CD81: variants seen among roughly 807,000 people sequenced by gnomAD.
The protein encoded by CD81 is CD81 molecule.
Under a neutral mutation model 30.1 loss-of-function variants are expected in CD81, and 10 were observed. That is an observed-to-expected ratio of 0.33 (90% CI 0.21 to 0.56). CD81 has a LOEUF of 0.56. Among genes scored for constraint, CD81 ranks in the 20% least tolerant of loss-of-function variants. The pLI, the probability that CD81 is intolerant of heterozygous loss-of-function variation, is 0.89. For missense variants in CD81, 263 were observed against 308.7 expected (o/e 0.85, Z 1.11); for synonymous variants, 147 against 126.4 (o/e 1.16, Z -1.10).
intron 1 of CD81, among the ~76,000 whole-genome samples, chr11:2,380,978 G>A (rs1268370363): frequency 1.3e-5 from 2 of 152,220 alleles, no homozygotes; most frequent in African/African-American, 4.8e-5. Flanking sequence ...GGTATTTCTC[G>A]CTTCCAGACA....
At chr11:2,396,068 G>A (rs1456213805) in intron 6 of CD81, 98 bp downstream of exon 6, 3 of 770,824 alleles carry the variant, frequency 3.9e-6, no homozygotes, top group East Asian at 2.7e-5. Flanking sequence ...CCCACAGGGA[G>A]CGACCACACT....
At chr11:2,395,181 G>C in intron 4 of CD81, 135 bp downstream of exon 4, 1 of 794,312 alleles carries the variant, frequency 1.3e-6, no homozygotes, top group Non-Finnish European at 2.1e-6. Context: ...TTGCCAGGAG[G>C]ATCTCCAGGG....
At chr11:2,395,840 G>A (rs1490053683) in intron 5 of CD81, 29 bp from the exon 6 acceptor site, 1 of 1,525,894 alleles carries the variant, frequency 6.6e-7, no homozygotes, top group East Asian at 2.2e-5. Flanking sequence ...GCACATCCAG[G>A]GCTGACCTTG....
rs12797193 is a variant in CD81, at chr11:2,378,681, A to T, written c.66+1066A>T. ...CCATGGCCGCGGCCTCCCCGTGGCC[A>T]CGCCCCTGGGCATAGACTGCAAGCC... On this transcript the variant is annotated intron_variant, in intron 1 of 7. Transcript: ENST00000263645. The surrounding 1 kb of genome is among the most constrained non-coding windows in gnomAD (Gnocchi z 4.9). Among the ~76,000 whole-genome samples, 2 of 152,072 alleles carry T rather than the reference A, an allele frequency of 1.3e-5. No homozygotes were observed. The highest frequency in any genetic ancestry group is 4.8e-5 in the African/African-American group (2 of 41,404).
chr11:2,390,639 C>T (rs896152653), intron 2 of CD81, 113 bp downstream of exon 2: 3 of 799,664 alleles, frequency 3.8e-6, no homozygotes, highest in East Asian at 2.6e-5. Context: ...ATGGCGTGTC[C>T]GGGCAGGGAG....
chr11:2,386,590 T>A (rs1372527930), intron 1 of CD81: 1 of 717,310 alleles, frequency 1.4e-6, no homozygotes, highest in Admixed American at 2.0e-5. Flanking sequence ...GTCGGAGAGC[T>A]TGGCATGGCC....
In CD81 at chr11:2,395,409, C is replaced by T; in HGVS notation, c.355-7C>T. ...CCCCTGTGCATGTGACCGCACCCCT[C>T]CCCCAGATCGCCAAGGATGTGAAGC... is the stretch of plus-strand genomic sequence containing the variant. On this transcript the variant is annotated splice_polypyrimidine_tract_variant and splice_region_variant and intron_variant, in intron 4 of 7. Coordinates refer to ENST00000263645, the MANE Select transcript of CD81 (RefSeq NM_004356.4). The T allele has an allele frequency of 1.2e-6, 2 of 1,608,614 alleles. No homozygotes were observed. Among genetic ancestry groups the T allele is most frequent in the Non-Finnish European group, 1.7e-6 (2 of 1,176,230 alleles).
At chr11:2,377,220 C>CG (rs1338610955), upstream of CD81, 5 of 151,556 alleles carry the variant, frequency 3.3e-5, no homozygotes, top group African/African-American at 1.2e-4. This position sits in a 1 kb window ranked among gnomAD's most constrained non-coding sequence, Gnocchi z 7.7. Context: ...GAGGCGGGGC[C>CG]GGGGGCGGGG....
intron 1 of CD81, among the ~76,000 whole-genome samples, chr11:2,381,640 C>T (rs942069221): frequency 6.6e-6 from 1 of 152,246 alleles, no homozygotes; most frequent in East Asian, 1.9e-4. Flanking sequence ...CTTGTACCCA[C>T]CGTGGTTTTA....
rs138086545 is a variant in CD81 at position 2,395,016 on chromosome 11, C to T, written c.324C>T (p.Ala108=). 6.2e-6 allele frequency: 10 copies of T among 1,611,962 alleles called. No homozygotes were observed. The highest frequency in any genetic ancestry group is 1.7e-5 in the Admixed American group (1 of 59,976). ...TCCTGTTTGCCTGTGAGGTGGCCGC[C>T]GGCATCTGGGGCTTTGTCAACAAGG... ...LVILFACEVA[A]GIWGFVNKDQ... is the part of the protein sequence containing the mutation. Residue 108 remains alanine, a synonymous_variant, in exon 4 of 8, where the codon GCC becomes GCT. Coordinates refer to ENST00000263645, the MANE Select transcript of CD81 (RefSeq NM_004356.4).
chr11:2,388,211 C>T (rs1401042126), intron 1 of CD81, among the ~76,000 whole-genome samples: 1 of 152,206 alleles, frequency 6.6e-6, no homozygotes, highest in Admixed American at 6.5e-5. Context: ...CACGCCCAGC[C>T]CCCTCTGGCC....
In CD81 at chr11:2,377,625, G is replaced by T; in HGVS notation, c.66+10G>T. On this transcript the variant is annotated intron_variant, in intron 1 of 7. Transcript: ENST00000263645. This position sits in a 1 kb window ranked among gnomAD's most constrained non-coding sequence, Gnocchi z 7.7. Reference sequence around the variant, plus strand: ...CAATTTCGTCTTCTGGGTAAGGGCTGCGCCGGGGGCCGGGGCGGGAGGGGG... The same window carrying T: ...CAATTTCGTCTTCTGGGTAAGGGCTTCGCCGGGGGCCGGGGCGGGAGGGGG... 1 of 1,533,858 alleles carries T rather than the reference G, an allele frequency of 6.5e-7. No homozygotes were observed. The highest frequency in any genetic ancestry group is 8.8e-7 in the Non-Finnish European group (1 of 1,133,942).
intron 1 of CD81, chr11:2,382,629 C>G (rs1849723889): frequency 6.6e-6 from 1 of 152,276 alleles, no homozygotes; most frequent in Non-Finnish European, 1.5e-5. Flanking sequence ...GCTCCAGGAT[C>G]AGGGCAGGTG....
intron 4 of CD81, 64 bp from the exon 5 acceptor site, chr11:2,395,352 G>GA: frequency 1.5e-6 from 2 of 1,328,940 alleles, no homozygotes; most frequent in Non-Finnish European, 2.1e-6. Flanking sequence ...CGCCTGGGGC[G>GA]GGGCGGGGTG....
chr11:2,395,633 T>A, intron 5 of CD81, 113 bp downstream of exon 5: 4 of 887,798 alleles, frequency 4.5e-6, no homozygotes, highest in Non-Finnish European at 7.3e-6. Flanking sequence ...GAGGTGCCCT[T>A]GGGACCTCCA....
At chr11:2,395,836 CCAGGGCTGA>C (rs1849989611) in intron 5 of CD81, 24 bp from the exon 6 acceptor site, 1 of 1,475,282 alleles carries the variant, frequency 6.8e-7, no homozygotes, top group Non-Finnish European at 9.5e-7. Flanking sequence ...CTGGGCACAT[CCAGGGCTGA>C]CCTTGCACCC....
chr11:2,385,693 C>T lies in CD81; in HGVS notation c.67-4719C>T, dbSNP rs1333308332. ...CTGTGCACCCGTGCCGTGGCGTGCC[C>T]GTCGTCTGTGCACCCGTGCTGTGGT... is the stretch of plus-strand genomic sequence containing the variant. On this transcript the variant is annotated intron_variant, in intron 1 of 7. Transcript: ENST00000263645. 14 of 246,088 alleles carry T rather than the reference C, an allele frequency of 5.7e-5. 1 individual carries two copies. Among genetic ancestry groups the T allele is most frequent in the African/African-American group, 1.5e-4 (5 of 32,710 alleles). 15.2% of individuals were successfully genotyped at this position (246,088 alleles called of 1,614,324 possible).
At chr11:2,384,021 G>A (rs1564990138) in intron 1 of CD81, among the ~76,000 whole-genome samples, 1 of 152,196 alleles carries the variant, frequency 6.6e-6, no homozygotes, top group East Asian at 1.9e-4. Flanking sequence ...AGCGCCTGCT[G>A]CCTTTTGCTC....
At chr11:2,394,920 C>A in intron 3 of CD81, 52 bp from the exon 4 acceptor site, 1 of 1,534,820 alleles carries the variant, frequency 6.5e-7, no homozygotes, top group Non-Finnish European at 9.0e-7. Context: ...TGTCCTTGGG[C>A]CCCGCCTACA....
Sources: allele counts gnomAD v4.1 joint callset (sites outside exome capture counted in the v4.1 genomes callset), GRCh38; gene constraint gnomAD v4.1.1; non-coding constraint Gnocchi (gnomAD v3.1); transcripts MANE v1.5; gene names NCBI Gene and HGNC (gene_info 2026-07-23, HGNC 2026-07-21).